Variants in MTHFD2L observed in about 807,000 individuals in gnomAD.
MTHFD2L encodes methylenetetrahydrofolate dehydrogenase (NADP+ dependent) 2 like.
In MTHFD2L, 29 loss-of-function variants were observed where a neutral mutation model predicts 34.9. That is an observed-to-expected ratio of 0.83 (90% CI 0.62 to 1.13). The LOEUF (loss-of-function observed/expected upper bound fraction) is 1.13, where lower values mean the gene tolerates loss of function less well. Among genes scored for constraint, MTHFD2L ranks in the 50% most tolerant of loss-of-function variants. The pLI is 0.00. For synonymous variants in MTHFD2L, 167 were observed against 155.7 expected, an observed-to-expected ratio of 1.07 and a Z score of -0.54; for missense variants, 481 against 446.5, an observed-to-expected ratio of 1.08 and a Z score of -0.70.
chr4:74,220,138 A>G (rs2110107585), intron 5 of MTHFD2L, among the ~76,000 whole-genome samples: 2 of 151,708 alleles, frequency 1.3e-5, no homozygotes, highest in South Asian at 4.2e-4. Context: ...TTGGAATCAG[A>G]GAACACTTGA....
chr4:74,157,707 C>T (rs1724401972), upstream of MTHFD2L: 1 of 459,322 alleles, frequency 2.2e-6, no homozygotes, highest in Non-Finnish European at 4.4e-6. Flanking sequence ...CCTATTACTT[C>T]TTTCCTGCTT....
chr4:74,224,558 G>C (rs1437442258), intron 5 of MTHFD2L, among the ~76,000 whole-genome samples: 1 of 152,102 alleles, frequency 6.6e-6, no homozygotes, highest in Non-Finnish European at 1.5e-5. Context: ...CCTCTTGACT[G>C]CACTTTATCA....
At chr4:74,286,122 A>T (rs1748135805) in intron 7 of MTHFD2L, among the ~76,000 whole-genome samples, 1 of 152,166 alleles carries the variant, frequency 6.6e-6, no homozygotes, top group South Asian at 2.1e-4. Context: ...CAGTTACAGA[A>T]CTTGACAGTT....
rs549975854 is a variant in MTHFD2L at position 74,279,079 on chromosome 4, C to T, written c.806-2346C>T. On this transcript the variant is annotated intron_variant, in intron 6 of 7. Coordinates refer to ENST00000325278, the MANE Select transcript of MTHFD2L (RefSeq NM_001144978.3). ...ATGCTGTAATTAAGAAATTACCTATCGTTTTCTGAACACAAATGACCATCA... is the reference window on the plus strand; with the variant it reads ...ATGCTGTAATTAAGAAATTACCTATTGTTTTCTGAACACAAATGACCATCA... 8.7e-4 allele frequency among the ~76,000 whole-genome samples: 132 copies of T among 152,032 alleles called. 1 individual carries two copies. Among genetic ancestry groups the T allele is most frequent in the Non-Finnish European group, 1.4e-3 (97 of 67,956 alleles).
chr4:74,189,694 A>T (rs187403344), intron 3 of MTHFD2L, among the ~76,000 whole-genome samples: 1 of 152,050 alleles, frequency 6.6e-6, no homozygotes, highest in African/African-American at 2.4e-5. Context: ...AACAGTTATT[A>T]TCAAAAATTT....
At chr4:74,139,642 T>C (rs2109830233) in intron 1 of MTHFD2L, among the ~76,000 whole-genome samples, 1 of 152,294 alleles carries the variant, frequency 6.6e-6, no homozygotes, top group Middle Eastern at 3.4e-3. Flanking sequence ...CTTGAGTCTC[T>C]TACTGTCTGC....
At position 74,199,947 on chromosome 4, in the gene MTHFD2L, G is replaced by T; in HGVS notation, c.604+1G>T. The T allele has an allele frequency of 6.2e-7, 1 of 1,613,898 alleles. No individual in the cohort carries two copies. Among genetic ancestry groups the T allele is most frequent in the Non-Finnish European group, 8.5e-7 (1 of 1,179,922 alleles). On this transcript the variant is annotated splice_donor_variant, in intron 4 of 7. Transcript: ENST00000325278. LOFTEE classifies it high-confidence loss of function. Reference sequence around the variant, plus strand: ...GTTTGGGAAATAATAAAAAGAACAGGTTGGTAATTTGTGGTCTGCAGGACA... The same window carrying T: ...GTTTGGGAAATAATAAAAAGAACAGTTTGGTAATTTGTGGTCTGCAGGACA...
In MTHFD2L at chr4:74,281,520, A is replaced by T. The variant is rs1213429597; in HGVS notation, c.901A>T (p.Thr301Ser). 1 of 1,612,540 alleles carries T rather than the reference A, an allele frequency of 6.2e-7. No individual in the cohort carries two copies. Among genetic ancestry groups the T allele is most frequent in the Non-Finnish European group, 8.5e-7 (1 of 1,179,116 alleles). The change falls in exon 7 of 8, where the codon ACA becomes TCA. Residue 301 changes from threonine to serine, a missense_variant. Physicochemically the swap from Thr to Ser is moderately conservative, Grantham distance 58 (BLOSUM62 1). Transcript: ENST00000325278. ...TGTCCACGATCCAGTGACAGGAAAG[A>T]CAAAATTAGTTGGAGATGTGGACTT... ...NYVHDPVTGK[T>S]KLVGDVDFEA...
At chr4:74,203,053 ATTAAC>A (rs1225875843) in intron 5 of MTHFD2L, among the ~76,000 whole-genome samples, 6 of 152,310 alleles carry the variant, frequency 3.9e-5, no homozygotes, top group South Asian at 2.1e-4. Flanking sequence ...TAATCCCAGT[ATTAAC>A]TTATCTAAAA....
upstream of MTHFD2L, among the ~76,000 whole-genome samples, chr4:74,153,849 G>T (rs1416632229): frequency 1.3e-5 from 2 of 152,018 alleles, no homozygotes; most frequent in African/African-American, 4.8e-5. Context: ...TAGTTTTTCC[G>T]ATTATTAACA....
chr4:74,228,957 A>G (rs1298829898), intron 6 of MTHFD2L, among the ~76,000 whole-genome samples: 1 of 152,190 alleles, frequency 6.6e-6, no homozygotes, highest in African/African-American at 2.4e-5. Flanking sequence ...CCATGCTAAT[A>G]CTAGTTAGAA....
intron 5 of MTHFD2L, among the ~76,000 whole-genome samples, chr4:74,207,452 A>G (rs192591935): frequency 1.9e-4 from 29 of 152,306 alleles, no homozygotes; most frequent in African/African-American, 5.1e-4. Context: ...CATTCAGCCA[A>G]TACTCATCTA....
At chr4:74,268,473 T>G (rs1745579315) in intron 6 of MTHFD2L, among the ~76,000 whole-genome samples, 1 of 152,062 alleles carries the variant, frequency 6.6e-6, no homozygotes, top group African/African-American at 2.4e-5. Flanking sequence ...AGAAATCATT[T>G]AGCCTCTCAG....
At chr4:74,221,051 A>C (rs531858004) in intron 5 of MTHFD2L, among the ~76,000 whole-genome samples, 2 of 151,048 alleles carry the variant, frequency 1.3e-5, no homozygotes, top group South Asian at 4.2e-4. Context: ...GTTTTGTTTT[A>C]TTTTGACCCA....
upstream of MTHFD2L, among the ~76,000 whole-genome samples, chr4:74,120,584 A>T (rs1462959759): frequency 6.6e-6 from 1 of 152,216 alleles, no homozygotes; most frequent in Non-Finnish European, 1.5e-5. Flanking sequence ...AACTCTTCAC[A>T]CTGTGTCATC....
chr4:74,159,131 T>C (rs1270392261), intron 1 of MTHFD2L, among the ~76,000 whole-genome samples: 2 of 152,214 alleles, frequency 1.3e-5, no homozygotes, highest in Non-Finnish European at 2.9e-5. Context: ...CGTGGAAACT[T>C]AGATACTGTT....
intron 6 of MTHFD2L, chr4:74,241,601 C>A: frequency 4.5e-6 from 2 of 445,256 alleles, no homozygotes; most frequent in South Asian, 3.2e-5. Flanking sequence ...ACCTCTCCAA[C>A]TCCTGAACTC....
At chr4:74,169,389 A>T (rs994209527) in intron 1 of MTHFD2L, among the ~76,000 whole-genome samples, 1 of 152,202 alleles carries the variant, frequency 6.6e-6, no homozygotes, top group Non-Finnish European at 1.5e-5. Flanking sequence ...ATACTCAGTG[A>T]TTGCCAGCTT....
chr4:74,268,165 G>A lies in MTHFD2L; in HGVS notation c.806-13260G>A, dbSNP rs936501087. On this transcript the variant is annotated intron_variant, in intron 6 of 7. Coordinates refer to ENST00000325278, the MANE Select transcript of MTHFD2L (RefSeq NM_001144978.3). ...TCTAGAAATAACAGGAGGATACCTG[G>A]GAGAAGACACTGAGGTTTTTGTATT... is the stretch of plus-strand genomic sequence containing the variant. The A allele has an allele frequency of 5.1e-6, 5 of 983,136 alleles. No individual in the cohort carries two copies. In the African/African-American group the frequency reaches 8.9e-5, roughly 17 times the overall value. 60.9% of individuals were successfully genotyped at this position (983,136 alleles called of 1,614,324 possible). A position where few individuals can be genotyped will look rare whatever the true frequency, so the allele number is the denominator to read the frequency against.
Sources: allele counts gnomAD v4.1 joint callset (sites outside exome capture counted in the v4.1 genomes callset), GRCh38; gene constraint gnomAD v4.1.1; transcripts MANE v1.5; gene names NCBI Gene and HGNC (gene_info 2026-07-23, HGNC 2026-07-21).